The following KNTC1 variants were observed in gnomAD, a reference collection of about 807,000 sequenced individuals.
The protein encoded by KNTC1 is kinetochore-associated protein 1.
Under a neutral mutation model 314.4 loss-of-function variants are expected in KNTC1, and 253 were observed. That is an observed-to-expected ratio of 0.80 (90% confidence interval 0.73 to 0.89). KNTC1 has a LOEUF of 0.89. Ranked by LOEUF, KNTC1 falls within the 40% of genes least tolerant of loss-of-function variation. The probability of loss-of-function intolerance (pLI) is 0.00; values close to 1 mark genes in which losing one functional copy is unlikely to be tolerated. For synonymous variants in KNTC1, 901 were observed against 901.4 expected, an observed-to-expected ratio of 1.00 and a Z score of 0.01; for missense variants, 2,475 against 2,572.9, an observed-to-expected ratio of 0.96 and a Z score of 0.82.
rs1289698094 is a variant in KNTC1 at position 122,580,676 on chromosome 12, C to T, written c.2982+6C>T. The stretch of plus-strand genomic sequence containing the variant: ...AAGAGGTTGCTAGCTTACAGGTAAA[C>T]ATATTGAGCCATGTTAAACATTATT... On this transcript the variant is annotated splice_donor_region_variant and intron_variant, in intron 33 of 63. Transcript: ENST00000333479. 38 of 1,524,160 alleles carry T rather than the reference C, an allele frequency of 2.5e-5. No homozygotes were observed. Among genetic ancestry groups the T allele is most frequent in the Non-Finnish European group, 3.0e-5 (34 of 1,120,440 alleles). The allele number at this position is 1,524,160 out of a possible 1,614,324, so 94.4% of individuals were successfully genotyped here. A position where few individuals can be genotyped will look rare whatever the true frequency, so the allele number is the denominator to read the frequency against.
intron 60 of KNTC1, among the ~76,000 whole-genome samples, chr12:122,621,211 A>G (rs1297321575): frequency 6.6e-6 from 1 of 152,246 alleles, no homozygotes; most frequent in East Asian, 1.9e-4. Context: ...ACTTTTAAAA[A>G]TAACTCTCAT....
chr12:122,585,007 T>G lies in KNTC1; in HGVS notation c.3534+17T>G. ...CTCATGAAAGTAAGTTACTTTTGAG[T>G]TTTTTCCCTTAAATCCTGGGCAACG... On this transcript the variant is annotated intron_variant, in intron 36 of 63. Coordinates refer to ENST00000333479, the MANE Select transcript of KNTC1 (RefSeq NM_014708.6). 1.4e-6 allele frequency: 2 copies of G among 1,456,260 alleles called. No individual in the cohort carries two copies. The highest frequency in any genetic ancestry group is 1.8e-5 in the Admixed American group (1 of 56,660). 90.2% of individuals were successfully genotyped at this position (1,456,260 alleles called of 1,614,324 possible).
chr12:122,624,217 T>C (rs1265657554), intron 62 of KNTC1, among the ~76,000 whole-genome samples: 1 of 152,218 alleles, frequency 6.6e-6, no homozygotes, highest in African/African-American at 2.4e-5. Flanking sequence ...AAACATTAAA[T>C]TCAGAGATTG....
rs925690761 is a variant in KNTC1, at chr12:122,551,905, C to CT, written c.1272+219dup. Among the ~76,000 whole-genome samples, 699 of 148,486 alleles carry CT rather than the reference C, an allele frequency of 4.7e-3. 16 individuals are homozygous for CT. Among genetic ancestry groups the CT allele is most frequent in the Non-Finnish European group, 3.6e-3 (239 of 66,864 alleles). The stretch of plus-strand genomic sequence containing the variant: ...TGAGGAGGTCGTTTTCAGGTCAGGT[C>CT]TTTTTTTTTTCTTTTTTCTTGAGAT... On this transcript the variant is annotated intron_variant, in intron 16 of 63. Transcript: ENST00000333479.
intron 7 of KNTC1, 96 bp downstream of exon 7, chr12:122,543,730 T>C (rs1239605829): frequency 1.4e-6 from 1 of 698,170 alleles, no homozygotes; most frequent in South Asian, 2.1e-5. Flanking sequence ...CTTCTTGATA[T>C]TTTAGAAATT....
At chr12:122,610,261 C>T (rs781439092) in intron 52 of KNTC1, among the ~76,000 whole-genome samples, 33 of 152,118 alleles carry the variant, frequency 2.2e-4, no homozygotes, top group Non-Finnish European at 4.3e-4. Flanking sequence ...GAACTAGGCA[C>T]GTGGAAGGTC....
At chr12:122,623,050 A>G (rs1056694483) in intron 62 of KNTC1, among the ~76,000 whole-genome samples, 9 of 152,222 alleles carry the variant, frequency 5.9e-5, no homozygotes, top group African/African-American at 1.7e-4. Context: ...ATTACTGCAC[A>G]TATCCAAAAG....
intron 1 of KNTC1, among the ~76,000 whole-genome samples, chr12:122,528,706 A>C (rs916903954): frequency 1.3e-5 from 2 of 152,210 alleles, no homozygotes; most frequent in Admixed American, 6.5e-5. Flanking sequence ...TAGTATTTGC[A>C]TGTAGCCTAG....
At position 122,597,756 on chromosome 12, in the gene KNTC1, G is replaced by T. The variant is rs1395702459; in HGVS notation, c.4381G>T (p.Val1461Phe). The T allele has an allele frequency of 1.2e-6, 2 of 1,613,926 alleles. No homozygotes were observed. The highest frequency in any genetic ancestry group is 1.7e-5 in the Admixed American group (1 of 60,012). Reference sequence around the variant, plus strand: ...CACATTTCAGTTGGACTGCGATGCAGTTCTTCAGCTCTTCATTGAAACGCT... The same window carrying T: ...CACATTTCAGTTGGACTGCGATGCATTTCTTCAGCTCTTCATTGAAACGCT... ...CSTFQLDCDA[V>F]LQLFIETLLH... is the part of the protein sequence containing the mutation. The change falls in exon 44 of 64, where the codon GTT becomes TTT. Residue 1461 changes from valine to phenylalanine, a missense_variant. Physicochemically the swap from Val to Phe is conservative, Grantham distance 50 (BLOSUM62 -1). Coordinates refer to ENST00000333479, the MANE Select transcript of KNTC1 (RefSeq NM_014708.6).
intron 38 of KNTC1, among the ~76,000 whole-genome samples, chr12:122,587,098 T>A (rs2138019980): frequency 6.6e-6 from 1 of 152,338 alleles, no homozygotes; most frequent in Non-Finnish European, 1.5e-5. Context: ...ATTACAGGCG[T>A]GAGCCACCAC....
intron 41 of KNTC1, 48 bp from the exon 42 acceptor site, chr12:122,591,289 A>T (rs1354996652): frequency 1.1e-6 from 1 of 936,718 alleles, no homozygotes; most frequent in Non-Finnish European, 1.8e-6. Flanking sequence ...GTGTTATAAG[A>T]ATACATTCTA....
rs142649429 is a variant in KNTC1, at chr12:122,586,626, T to C, written c.3674-75T>C. On this transcript the variant is annotated intron_variant, in intron 37 of 63. Transcript: ENST00000333479. ...GTGCTATTTTGTTACATGGATATAT[T>C]GCATAGTGATGAAGTCTGGGCTTTT... 1,305 of 490,216 alleles carry C rather than the reference T, an allele frequency of 2.7e-3. 6 individuals are homozygous for C. Among genetic ancestry groups the C allele is most frequent in the Middle Eastern group, 8.4e-3 (26 of 3,092 alleles). The allele number at this position is 490,216 out of a possible 1,614,324, so 30.4% of individuals were successfully genotyped here.
intron 33 of KNTC1, among the ~76,000 whole-genome samples, chr12:122,580,952 C>T (rs151296925): frequency 0.073 from 11,011 of 151,260 alleles, 552 homozygotes; most frequent in Middle Eastern, 0.13. Flanking sequence ...TGCTTGAACC[C>T]GGGAGGCGGA....
intron 44 of KNTC1, among the ~76,000 whole-genome samples, chr12:122,600,385 C>T (rs938360805): frequency 2.0e-5 from 3 of 151,938 alleles, no homozygotes; most frequent in Non-Finnish European, 4.4e-5. Context: ...AGGCATGAGC[C>T]ACTGTACCCA....
At chr12:122,531,229 T>G (rs531414862) in intron 2 of KNTC1, among the ~76,000 whole-genome samples, 54 of 152,088 alleles carry the variant, frequency 3.6e-4, no homozygotes, top group Non-Finnish European at 3.8e-4. Flanking sequence ...TAAGCTGGTG[T>G]CTGTGGAACT....
At position 122,605,396 on chromosome 12, in the gene KNTC1, C is replaced by G. The variant is rs1318851688; in HGVS notation, c.5477C>G (p.Pro1826Arg). 1 of 1,591,858 alleles carries G rather than the reference C, an allele frequency of 6.3e-7. No homozygotes were observed. The change falls in exon 51 of 64, where the codon CCT becomes CGT. Residue 1826 changes from proline to arginine, a missense_variant. Transcript: ENST00000333479. ...WDMLLEKWLC[P>R]STKPGEKPSE... is the part of the protein sequence containing the mutation. Reference sequence around the variant, plus strand: ...ATGTTGTTGGAAAAATGGCTATGCCCTTCAACAAAACCTGGTGAAGTAAGT... The same window carrying G: ...ATGTTGTTGGAAAAATGGCTATGCCGTTCAACAAAACCTGGTGAAGTAAGT...
At chr12:122,597,038 TTATAGA>T (rs929488884) in intron 43 of KNTC1, among the ~76,000 whole-genome samples, 61 of 152,258 alleles carry the variant, frequency 4.0e-4, no homozygotes, top group African/African-American at 1.2e-3. Flanking sequence ...GTGTAGGCAC[TTATAGA>T]TATAAACTGT....
chr12:122,546,805 G>T, intron 10 of KNTC1, 131 bp downstream of exon 10: 1 of 461,994 alleles, frequency 2.2e-6, no homozygotes, highest in Non-Finnish European at 3.8e-6. Flanking sequence ...TTCAGTATAT[G>T]TACCAAAAAG....
chr12:122,624,849 G>C (rs1874848313), intron 63 of KNTC1, 161 bp downstream of exon 63: 1 of 634,468 alleles, frequency 1.6e-6, no homozygotes, highest in Admixed American at 2.0e-5. Flanking sequence ...TTCTAAACTA[G>C]AAATCAAGAG....
Sources: gnomAD v4.1 joint callset for allele counts (sites outside exome capture counted in the v4.1 genomes callset) on GRCh38, gnomAD v4.1.1 for gene constraint, MANE v1.5 for transcripts, NCBI Gene and HGNC (gene_info 2026-07-23, HGNC 2026-07-21) for gene names.